THSD7B: variants seen among roughly 807,000 people sequenced by gnomAD.
THSD7B encodes thrombospondin type 1 domain containing 7B.
A neutral mutation model predicts 213.6 loss-of-function variants in THSD7B; 138 were observed. That is an observed-to-expected ratio of 0.65 (90% CI 0.56 to 0.74). The LOEUF is 0.74. THSD7B is among the 30% of genes least tolerant of loss of function. The probability of loss-of-function intolerance (pLI) is 0.00; values close to 1 mark genes in which losing one functional copy is unlikely to be tolerated. For missense variants in THSD7B, 1,931 were observed against 1,991.5 expected (o/e 0.97, Z 0.58); for synonymous variants, 742 against 687.0 (o/e 1.08, Z -1.25).
rs868353893 is a variant in THSD7B, at chr2:137,581,746, C to T, written c.3423+9190C>T. Among the ~76,000 whole-genome samples, 530 of 137,876 alleles carry T rather than the reference C, an allele frequency of 3.8e-3. 2 individuals carry two copies. The highest frequency in any genetic ancestry group is 0.013 in the African/African-American group (493 of 36,820). 90.5% of individuals were successfully genotyped at this position (137,876 alleles called of 152,430 possible). ...CTGCACTCCAGCCTGGGCGACAGAG[C>T]GAGACTCCGTCTCAAAAAAAAAAAT... is the stretch of plus-strand genomic sequence containing the variant. On this transcript the variant is annotated intron_variant, in intron 17 of 27. Transcript: ENST00000409968.
At chr2:137,404,341 G>A (rs188927741) in intron 12 of THSD7B, among the ~76,000 whole-genome samples, 28 of 149,384 alleles carry the variant, frequency 1.9e-4, no homozygotes, top group African/African-American at 6.7e-4. Context: ...ACTTGCACAT[G>A]CATGTTTATA....
chr2:137,249,323 T>A (rs1000633906), intron 10 of THSD7B, among the ~76,000 whole-genome samples: 1 of 149,726 alleles, frequency 6.7e-6, no homozygotes, highest in Non-Finnish European at 1.5e-5. Context: ...AGATTTGGTT[T>A]AAAAAAAAAA....
intron 12 of THSD7B, among the ~76,000 whole-genome samples, chr2:137,370,758 C>G (rs968645162): frequency 6.6e-6 from 1 of 152,044 alleles, no homozygotes; most frequent in South Asian, 2.1e-4. Flanking sequence ...TGTGAGCCAC[C>G]GTGCCCAGCC....
At position 137,214,149 on chromosome 2, in the gene THSD7B, G is replaced by A. The variant is rs144887170; in HGVS notation, c.1724-16895G>A. On this transcript the variant is annotated intron_variant, in intron 7 of 27. Transcript: ENST00000409968. The stretch of plus-strand genomic sequence containing the variant: ...ATAACTCGTTCATTTTTGTGTTAAT[G>A]GCAGTGTATATGTTTTTCTCATATA... Among the ~76,000 whole-genome samples the A allele has an allele frequency of 3.0e-3, 458 of 152,134 alleles. 3 individuals carry two copies. The highest frequency in any genetic ancestry group is 0.01 in the African/African-American group (435 of 41,514).
At chr2:137,316,535 G>A (rs1219970814) in intron 12 of THSD7B, among the ~76,000 whole-genome samples, 1 of 152,162 alleles carries the variant, frequency 6.6e-6, no homozygotes, top group African/African-American at 2.4e-5. Flanking sequence ...CAGCACTTTG[G>A]GAGGTCGAGG....
intron 4 of THSD7B, among the ~76,000 whole-genome samples, chr2:137,097,841 G>C (rs925667607): frequency 6.6e-6 from 1 of 151,156 alleles, no homozygotes; most frequent in Non-Finnish European, 1.5e-5. Flanking sequence ...GGAAATAGGA[G>C]TATTGGAGAA....
chr2:136,862,433 C>T (rs1210967183), intron 1 of THSD7B, among the ~76,000 whole-genome samples: 1 of 152,180 alleles, frequency 6.6e-6, no homozygotes, highest in Non-Finnish European at 1.5e-5. Context: ...GTTACCTTTT[C>T]TCTTCTTTGC....
chr2:137,022,202 G>A (rs1686457325), intron 2 of THSD7B, among the ~76,000 whole-genome samples: 1 of 152,144 alleles, frequency 6.6e-6, no homozygotes, highest in South Asian at 2.1e-4. Flanking sequence ...TGGGATAAAT[G>A]CCCAAGGGTG....
chr2:137,346,480 C>A (rs906197755), intron 12 of THSD7B, among the ~76,000 whole-genome samples: 60 of 144,898 alleles, frequency 4.1e-4, no homozygotes, highest in African/African-American at 1.5e-3. Context: ...ATATTCCATT[C>A]TCTCTCTCTC....
At chr2:137,514,492 C>T (rs1680030672) in intron 15 of THSD7B, among the ~76,000 whole-genome samples, 1 of 152,148 alleles carries the variant, frequency 6.6e-6, no homozygotes, top group Admixed American at 6.5e-5. Context: ...ATTGCGGGAC[C>T]TTGTGATACT....
chr2:137,348,703 C>CTTTTTTTTTTT (rs80150345), intron 12 of THSD7B, among the ~76,000 whole-genome samples: 131 of 110,876 alleles, frequency 1.2e-3, no homozygotes, highest in Non-Finnish European at 1.6e-3. Context: ...CTATGAACTC[C>CTTTTTTTTTTT]TTTTTTTTTT....
chr2:137,018,244 TTC>T (rs1022978882), intron 2 of THSD7B, among the ~76,000 whole-genome samples: 16 of 152,230 alleles, frequency 1.1e-4, no homozygotes, highest in African/African-American at 3.8e-4. Context: ...TCAGAAAATA[TTC>T]TCATTTAAAA....
At chr2:137,574,447 A>G (rs1681418177) in intron 17 of THSD7B, among the ~76,000 whole-genome samples, 1 of 152,122 alleles carries the variant, frequency 6.6e-6, no homozygotes, top group Non-Finnish European at 1.5e-5. Flanking sequence ...GTACCTTCCA[A>G]GTTACATAAT....
intron 10 of THSD7B, among the ~76,000 whole-genome samples, chr2:137,272,084 G>A (rs1280690097): frequency 1.3e-5 from 2 of 152,032 alleles, no homozygotes; most frequent in African/African-American, 4.8e-5. Flanking sequence ...AAATGAATAG[G>A]TGACTAATAT....
At chr2:137,523,082 T>C (rs1490909862) in intron 15 of THSD7B, among the ~76,000 whole-genome samples, 1 of 152,210 alleles carries the variant, frequency 6.6e-6, no homozygotes, top group Non-Finnish European at 1.5e-5. Context: ...GTACTTTTCT[T>C]AGACCAATGT....
chr2:137,674,052 A>C (rs1196705813), intron 27 of THSD7B, among the ~76,000 whole-genome samples: 1 of 152,162 alleles, frequency 6.6e-6, no homozygotes, highest in South Asian at 2.1e-4. Context: ...TTTGAATAGA[A>C]TATTCCAAGC....
intron 2 of THSD7B, among the ~76,000 whole-genome samples, chr2:136,974,855 G>A (rs1403136831): frequency 6.6e-6 from 1 of 152,070 alleles, no homozygotes; most frequent in Admixed American, 6.6e-5. Flanking sequence ...AGGTTTACCA[G>A]CATTTGTTGT....
At chr2:136,957,636 G>C (rs759663951) in intron 2 of THSD7B, among the ~76,000 whole-genome samples, 9 of 152,024 alleles carry the variant, frequency 5.9e-5, no homozygotes, top group Admixed American at 2.6e-4. Context: ...TACATAATGC[G>C]ATAGAAACAA....
intron 5 of THSD7B, among the ~76,000 whole-genome samples, chr2:137,149,579 AG>A (rs1225819059): frequency 3.3e-5 from 5 of 152,340 alleles, no homozygotes; most frequent in Admixed American, 3.3e-4. Context: ...GCAAAGTCAC[AG>A]GGGTGGAGCT....
Sources: gnomAD v4.1 joint callset for allele counts (sites outside exome capture counted in the v4.1 genomes callset) on GRCh38, gnomAD v4.1.1 for gene constraint, MANE v1.5 for transcripts, NCBI Gene and HGNC (gene_info 2026-07-23, HGNC 2026-07-21) for gene names.